HS6ST2: variants seen among roughly 807,000 people sequenced by gnomAD.
HS6ST2 encodes heparan sulfate 6-O-sulfotransferase 2, also known as heparan-sulfate 6-O-sulfotransferase 2.
A neutral mutation model predicts 33.0 loss-of-function variants in HS6ST2; 17 were observed. That is an observed-to-expected ratio of 0.52 (90% CI 0.35 to 0.77). The LOEUF (loss-of-function observed/expected upper bound fraction) is 0.77, where lower values mean the gene tolerates loss of function less well. Ranked by LOEUF, HS6ST2 falls within the 30% of genes least tolerant of loss-of-function variation. The probability of loss-of-function intolerance (pLI) is 0.01; values close to 1 mark genes in which losing one functional copy is unlikely to be tolerated. For missense variants in HS6ST2, 519 were observed against 551.7 expected, an observed-to-expected ratio of 0.94 and a Z score of 0.59; for synonymous variants, 248 against 237.1, an observed-to-expected ratio of 1.05 and a Z score of -0.42.
chrX:132,661,292 C>T (rs761956649), intron 4 of HS6ST2, among the ~76,000 whole-genome samples: 1 of 109,045 alleles, frequency 9.2e-6, no homozygotes, highest in East Asian at 2.9e-4. Context: ...TGTTGAATAT[C>T]CAATGAATAT....
chrX:132,636,698 A>G (rs866535623), intron 4 of HS6ST2, among the ~76,000 whole-genome samples: 1 of 111,311 alleles, frequency 9.0e-6, no homozygotes, highest in African/African-American at 3.3e-5. Context: ...TGAGAGAACT[A>G]TTTCTGGGCC....
chrX:132,650,557 C>A (rs2063682117), intron 4 of HS6ST2, among the ~76,000 whole-genome samples: 1 of 110,802 alleles, frequency 9.0e-6, no homozygotes, highest in Admixed American at 9.6e-5. Context: ...GTCCTCAGCC[C>A]CAGCAAAATT....
chrX:132,951,325 C>T (rs889722865), intron 2 of HS6ST2, among the ~76,000 whole-genome samples: 9 of 111,093 alleles, frequency 8.1e-5, no homozygotes, highest in Non-Finnish European at 1.5e-4. Flanking sequence ...ATTATTACTC[C>T]AAGCATGAAC....
At chrX:132,810,768 T>C (rs1004314288) in intron 2 of HS6ST2, among the ~76,000 whole-genome samples, 1 of 112,183 alleles carries the variant, frequency 8.9e-6, no homozygotes, top group Admixed American at 9.5e-5. Context: ...AAAACAAGCC[T>C]GGGCTGATGT....
rs777993396 is a variant in HS6ST2, at chrX:132,944,129, C to T, written c.947+12679G>A. ...AAAACCCCATCGTCTCAGCCCAAAA[C>T]CTCCTTAAGCTGATAAGCAACTTCA... On this transcript the variant is annotated intron_variant, in intron 2 of 4. Transcript: ENST00000370833. Among the ~76,000 whole-genome samples the T allele has an allele frequency of 2.5e-4, 28 of 111,678 alleles. No individual in the cohort carries two copies. In the East Asian group the frequency reaches 6.8e-3, roughly 27 times the overall value.
intron 4 of HS6ST2, among the ~76,000 whole-genome samples, chrX:132,663,891 C>T (rs1267954432): frequency 1.8e-5 from 2 of 112,450 alleles, no homozygotes; most frequent in Non-Finnish European, 1.9e-5. Context: ...AACATAATCA[C>T]GATATAATAT....
intron 4 of HS6ST2, among the ~76,000 whole-genome samples, chrX:132,648,395 A>G (rs1469515757): frequency 9.0e-6 from 1 of 111,478 alleles, no homozygotes. Context: ...CCACTTTCTC[A>G]GTATGCCAGT....
chrX:132,788,136 C>A (rs1206700921), intron 2 of HS6ST2, among the ~76,000 whole-genome samples: 1 of 111,439 alleles, frequency 9.0e-6, no homozygotes, highest in Non-Finnish European at 1.9e-5. Context: ...TTTCATTGTG[C>A]CTCAAAGATA....
chrX:132,845,812 C>T (rs1422688612), intron 2 of HS6ST2, among the ~76,000 whole-genome samples: 4 of 111,542 alleles, frequency 3.6e-5, no homozygotes, highest in Non-Finnish European at 7.5e-5. Flanking sequence ...CACCAAAAGA[C>T]TCCCATCAAA....
At chrX:132,638,863 G>A (rs1283555677) in intron 4 of HS6ST2, among the ~76,000 whole-genome samples, 2 of 112,028 alleles carry the variant, frequency 1.8e-5, no homozygotes, top group African/African-American at 6.5e-5. Flanking sequence ...AGTTCTCCTT[G>A]AAGGAGTTTT....
chrX:132,859,419 G>A (rs192282016), intron 2 of HS6ST2, among the ~76,000 whole-genome samples: 1 of 110,956 alleles, frequency 9.0e-6, no homozygotes, highest in Middle Eastern at 4.6e-3. Context: ...AGCAGAAGTA[G>A]CTGAATATGC....
intron 4 of HS6ST2, among the ~76,000 whole-genome samples, chrX:132,646,312 C>T (rs951246703): frequency 6.3e-5 from 7 of 110,421 alleles, no homozygotes; most frequent in Non-Finnish European, 1.1e-4. Context: ...ATAAGGAGTA[C>T]GGGGTCAAAA....
At chrX:132,727,984 T>C (rs1204747630) in intron 2 of HS6ST2, among the ~76,000 whole-genome samples, 1 of 112,322 alleles carries the variant, frequency 8.9e-6, no homozygotes, top group Non-Finnish European at 1.9e-5. Context: ...TCAGTCTTTT[T>C]TACAGCTAAA....
At chrX:132,825,773 T>C (rs914394472) in intron 2 of HS6ST2, among the ~76,000 whole-genome samples, 3 of 111,672 alleles carry the variant, frequency 2.7e-5, no homozygotes, top group Non-Finnish European at 3.8e-5. Flanking sequence ...CATCTCTCTA[T>C]ATAGTCCAAC....
chrX:132,731,772 G>A (rs1005115356), intron 2 of HS6ST2, among the ~76,000 whole-genome samples: 2 of 111,138 alleles, frequency 1.8e-5, no homozygotes, highest in Admixed American at 9.5e-5. Flanking sequence ...GTGTGAACCT[G>A]GGAGGCGGAG....
chrX:132,820,425 C>T (rs1339812631), intron 2 of HS6ST2, among the ~76,000 whole-genome samples: 1 of 111,270 alleles, frequency 9.0e-6, no homozygotes, highest in South Asian at 3.8e-4. Flanking sequence ...GAGGGGGCAG[C>T]CAGAGGACTG....
rs188938220 is a variant in HS6ST2 at position 132,958,213 on chromosome X, G to A, written c.390C>T (p.Leu130=). Residue 130 remains leucine (L), a synonymous_variant, in exon 1 of 5, where the codon CTC becomes CTT. Coordinates refer to ENST00000370833, the MANE Select transcript of HS6ST2 (RefSeq NM_001394073.1). ...AALGHSLKHV[L]GAIFSKIFGP... is the part of the protein sequence containing the mutation. ...CGAAAATCTTGGAGAAGATCGCACCGAGCACGTGCTTCAGCGAGTGGCCCA... is the reference window on the plus strand; with the variant it reads ...CGAAAATCTTGGAGAAGATCGCACCAAGCACGTGCTTCAGCGAGTGGCCCA... 13 of 1,167,136 alleles carry A rather than the reference G, an allele frequency of 1.1e-5. No individual in the cohort carries two copies. Among genetic ancestry groups the A allele is most frequent in the South Asian group, 9.5e-5 (5 of 52,626 alleles).
chrX:132,705,335 G>A (rs1447297620), intron 3 of HS6ST2, among the ~76,000 whole-genome samples: 1 of 111,116 alleles, frequency 9.0e-6, no homozygotes, highest in Non-Finnish European at 1.9e-5. Flanking sequence ...TCTCCAAAGA[G>A]GTCAAGAAGA....
intron 2 of HS6ST2, among the ~76,000 whole-genome samples, chrX:132,912,428 T>C (rs1022630695): frequency 8.9e-6 from 1 of 112,756 alleles, no homozygotes; most frequent in Admixed American, 9.3e-5. Flanking sequence ...TCAATTCAAC[T>C]CAATACAATG....
Sources: allele counts gnomAD v4.1 joint callset (sites outside exome capture counted in the v4.1 genomes callset), GRCh38; gene constraint gnomAD v4.1.1; transcripts MANE v1.5; gene names NCBI Gene and HGNC (gene_info 2026-07-23, HGNC 2026-07-21).